The following ZC3H12B variants were observed in gnomAD, a reference collection of about 807,000 sequenced individuals.
ZC3H12B encodes zinc finger CCCH-type containing 12B, also known as probable ribonuclease ZC3H12B.
In ZC3H12B, 7 loss-of-function variants were observed where a neutral mutation model predicts 43.9. The ratio of observed to expected loss-of-function variants is 0.16; its 90% confidence interval spans 0.09 to 0.30. The LOEUF (loss-of-function observed/expected upper bound fraction) is 0.30. Ranked by LOEUF, ZC3H12B falls within the 10% of genes least tolerant of loss-of-function variation. The pLI is 1.00. For missense variants in ZC3H12B, 475 were observed against 670.2 expected (o/e 0.71, Z 3.22); for synonymous variants, 222 against 241.7 (o/e 0.92, Z 0.76).
intron 3 of ZC3H12B, among the ~76,000 whole-genome samples, chrX:65,479,887 G>A (rs374966696): frequency 8.0e-5 from 9 of 112,412 alleles, no homozygotes; most frequent in African/African-American, 1.3e-4. Context: ...GAATTTTAGC[G>A]AGTTTAAATA....
chrX:65,139,644 A>T, the ZC3H12B span, among the ~76,000 whole-genome samples: 2 of 111,508 alleles, frequency 1.8e-5, no homozygotes, highest in African/African-American at 6.5e-5. Context: ...TTTCATAGGG[A>T]TTACATTGAA....
chrX:65,090,551 A>T, the ZC3H12B span, among the ~76,000 whole-genome samples: 2 of 111,468 alleles, frequency 1.8e-5, no homozygotes, highest in African/African-American at 3.3e-5. Context: ...TAAACAGTTT[A>T]TTTTTTAACC....
At chrX:65,382,203 A>G (rs1399856875) in intron 2 of ZC3H12B, among the ~76,000 whole-genome samples, 1 of 110,903 alleles carries the variant, frequency 9.0e-6, no homozygotes, top group Non-Finnish European at 1.9e-5. Context: ...AAAATCCTCA[A>G]TAAAATACTG....
chrX:65,386,677 C>A (rs183600486), intron 2 of ZC3H12B, among the ~76,000 whole-genome samples: 1 of 111,234 alleles, frequency 9.0e-6, no homozygotes, highest in East Asian at 2.8e-4. Flanking sequence ...TTATTTCTTG[C>A]CTTCTGCTAC....
chrX:65,070,409 T>C, the ZC3H12B span, among the ~76,000 whole-genome samples: 1 of 111,105 alleles, frequency 9.0e-6, no homozygotes, highest in Non-Finnish European at 1.9e-5. Flanking sequence ...TGTATGTTTT[T>C]TGTTTTTTTG....
At chrX:65,203,562 T>C in the ZC3H12B span, among the ~76,000 whole-genome samples, 1 of 109,839 alleles carries the variant, frequency 9.1e-6, no homozygotes, top group Non-Finnish European at 1.9e-5. Context: ...CTCAAGTCTC[T>C]ACCTGCTTCC....
the ZC3H12B span, among the ~76,000 whole-genome samples, chrX:65,228,657 G>C: frequency 7.8e-4 from 87 of 111,948 alleles, no homozygotes; most frequent in African/African-American, 2.5e-3. Flanking sequence ...CCCAAAATCT[G>C]CTTAAGCTGA....
the ZC3H12B span, among the ~76,000 whole-genome samples, chrX:65,153,770 C>T: frequency 1.8e-5 from 2 of 111,514 alleles, no homozygotes; most frequent in Non-Finnish European, 3.8e-5. Flanking sequence ...GCTATAAAGA[C>T]ACATGCACAT....
chrX:65,489,817 C>T (rs774949341), intron 1 of ZC3H12B, among the ~76,000 whole-genome samples: 5 of 111,917 alleles, frequency 4.5e-5, no homozygotes, highest in Admixed American at 9.5e-5. Context: ...TTTTCCCTGG[C>T]TTTAAGGCTC....
chrX:65,053,926 A>G, the ZC3H12B span, among the ~76,000 whole-genome samples: 1 of 111,735 alleles, frequency 8.9e-6, no homozygotes, highest in African/African-American at 3.3e-5. Context: ...GTGTCTGTTC[A>G]TATCCTTCAC....
At chrX:65,097,253 G>T in the ZC3H12B span, among the ~76,000 whole-genome samples, 1 of 111,684 alleles carries the variant, frequency 9.0e-6, no homozygotes, top group Non-Finnish European at 1.9e-5. Context: ...GCGTATCTCT[G>T]GTGTGTGTTA....
At chrX:65,162,774 G>T in the ZC3H12B span, among the ~76,000 whole-genome samples, 3 of 112,025 alleles carry the variant, frequency 2.7e-5, no homozygotes, top group African/African-American at 6.6e-5. Flanking sequence ...CCTCGTCAAA[G>T]TCATTCTCTG....
At chrX:65,076,629 G>A in the ZC3H12B span, among the ~76,000 whole-genome samples, 101 of 107,426 alleles carry the variant, frequency 9.4e-4, 2 homozygotes, top group Non-Finnish European at 5.8e-5. Flanking sequence ...AAGTTTTGTT[G>A]ATATATCTTT....
the ZC3H12B span, among the ~76,000 whole-genome samples, chrX:65,155,067 C>G: frequency 1.8e-5 from 2 of 109,354 alleles, no homozygotes; most frequent in South Asian, 4.1e-4. Context: ...GCCATCCTCC[C>G]ACCTCAGCAT....
the ZC3H12B span, among the ~76,000 whole-genome samples, chrX:65,173,374 C>T: frequency 9.0e-6 from 1 of 111,720 alleles, no homozygotes; most frequent in African/African-American, 3.3e-5. Flanking sequence ...CAAACAAAGA[C>T]AGTTTGTCTT....
chrX:65,346,592 C>A, the ZC3H12B span, among the ~76,000 whole-genome samples: 13 of 112,136 alleles, frequency 1.2e-4, no homozygotes, highest in African/African-American at 3.9e-4. Context: ...TCCTCAAAAG[C>A]AATTGTAACA....
At chrX:65,384,339 A>G (rs1034234168) in intron 2 of ZC3H12B, among the ~76,000 whole-genome samples, 7 of 110,402 alleles carry the variant, frequency 6.3e-5, no homozygotes, top group African/African-American at 2.3e-4. Flanking sequence ...TGGACACAGG[A>G]AGGAGAACAT....
the ZC3H12B span, among the ~76,000 whole-genome samples, chrX:65,153,029 T>C: frequency 1.6e-3 from 180 of 111,974 alleles, no homozygotes; most frequent in African/African-American, 5.3e-3. Flanking sequence ...TGGCTAGCCA[T>C]ATGTAGAAAG....
the ZC3H12B span, among the ~76,000 whole-genome samples, chrX:65,216,669 A>G: frequency 3.6e-5 from 4 of 111,599 alleles, no homozygotes; most frequent in African/African-American, 1.3e-4. Context: ...TTTCCCCACC[A>G]CCAGGCAGTG....
Sources: gnomAD v4.1 joint callset for allele counts (sites outside exome capture counted in the v4.1 genomes callset) on GRCh38, gnomAD v4.1.1 for gene constraint, MANE v1.5 for transcripts, NCBI Gene and HGNC (gene_info 2026-07-23, HGNC 2026-07-21) for gene names.